Variants in PRRC2C observed in about 807,000 individuals in gnomAD.
The protein encoded by PRRC2C is proline rich coiled-coil 2C.
PRRC2C carries 72 observed loss-of-function variants against 317.2 expected under a neutral mutation model. The ratio of observed to expected loss-of-function variants is 0.23; its 90% CI spans 0.19 to 0.28. The LOEUF is 0.28. PRRC2C is among the 10% of genes least tolerant of loss of function. The probability of loss-of-function intolerance (pLI) is 1.00; values close to 1 mark genes in which losing one functional copy is unlikely to be tolerated. For missense variants in PRRC2C, 3,074 were observed against 3,459.7 expected (o/e 0.89, Z 2.80); for synonymous variants, 1,296 against 1,205.9 (o/e 1.07, Z -1.55).
At chr1:171,560,925 C>A in intron 19 of PRRC2C, 93 bp from the exon 20 acceptor site, 1 of 976,850 alleles carries the variant, frequency 1.0e-6, no homozygotes, top group Non-Finnish European at 1.7e-6. Flanking sequence ...CTAGTAATAG[C>A]TACACAGTAG....
chr1:171,548,358 T>A (rs890970012), intron 17 of PRRC2C, among the ~76,000 whole-genome samples: 1 of 152,210 alleles, frequency 6.6e-6, no homozygotes, highest in African/African-American at 2.4e-5. Flanking sequence ...AGAAGAAATG[T>A]TTGTAGATAG....
chr1:171,528,579 C>T (rs374026770), intron 11 of PRRC2C, among the ~76,000 whole-genome samples: 3 of 152,326 alleles, frequency 2.0e-5, no homozygotes. Flanking sequence ...GCGTGAGCCA[C>T]CGCGCCCGGC....
At chr1:171,493,215 C>A (rs1667505273) in intron 1 of PRRC2C, among the ~76,000 whole-genome samples, 1 of 152,114 alleles carries the variant, frequency 6.6e-6, no homozygotes, top group African/African-American at 2.4e-5. Context: ...AATATTCTGA[C>A]TTTTAAAGGC....
chr1:171,564,636 C>T (rs973856031), intron 20 of PRRC2C, among the ~76,000 whole-genome samples: 4 of 152,190 alleles, frequency 2.6e-5, no homozygotes, highest in Non-Finnish European at 5.9e-5. Flanking sequence ...AGTCTACTTA[C>T]ACAAACCTAG....
intron 1 of PRRC2C, among the ~76,000 whole-genome samples, chr1:171,505,596 T>C (rs1386111100): frequency 3.3e-5 from 5 of 152,190 alleles, no homozygotes; most frequent in African/African-American, 7.2e-5. Flanking sequence ...ACTTTTAGTA[T>C]AGTGTTGAAC....
In PRRC2C at chr1:171,579,205, T is replaced by C. The variant is rs1206552010; in HGVS notation, c.7160-149T>C. ...AGTTTTCCATCTTTTCACATTTGCA[T>C]CTTGTCACGTTTTTAGTTTTTCCAT... On this transcript the variant is annotated intron_variant, in intron 26 of 34. Coordinates refer to ENST00000647382, the MANE Select transcript of PRRC2C (RefSeq NM_001387844.1). 3.6e-6 allele frequency: 4 copies of C among 1,107,884 alleles called. No homozygotes were observed. In the East Asian group the frequency reaches 1.1e-4, roughly 29 times the overall value. 68.6% of individuals were successfully genotyped at this position (1,107,884 alleles called of 1,614,324 possible). A position where few individuals can be genotyped will look rare whatever the true frequency, so the allele number is the denominator to read the frequency against.
intron 28 of PRRC2C, among the ~76,000 whole-genome samples, chr1:171,581,925 C>T (rs970956667): frequency 1.7e-4 from 9 of 53,274 alleles, no homozygotes; most frequent in African/African-American, 5.4e-4. Flanking sequence ...AGGCATCCAT[C>T]TCAGATGATA....
chr1:171,541,338 G>C lies in PRRC2C; in HGVS notation c.3872G>C (p.Arg1291Thr), dbSNP rs781510023. The C allele has an allele frequency of 1.2e-6, 2 of 1,612,726 alleles. No individual in the cohort carries two copies. The highest frequency in any genetic ancestry group is 1.1e-5 in the South Asian group (1 of 90,846). ...DSLSKGKLPK[R>T]EERPENKKPV... Reference sequence around the variant, plus strand: ...TTAAGTAAAGGCAAACTTCCCAAAAGAGAGGAACGGCCTGAAAACAAAAAA... The same window carrying C: ...TTAAGTAAAGGCAAACTTCCCAAAACAGAGGAACGGCCTGAAAACAAAAAA... The change falls in exon 16 of 35, where the codon AGA (arginine) becomes ACA (threonine). Residue 1291 changes from arginine to threonine, a missense_variant. Coordinates refer to ENST00000647382, the MANE Select transcript of PRRC2C (RefSeq NM_001387844.1). This position sits in a 1 kb window ranked among gnomAD's most constrained non-coding sequence, Gnocchi z 4.1.
intron 1 of PRRC2C, among the ~76,000 whole-genome samples, chr1:171,492,579 A>C (rs1667350399): frequency 6.6e-6 from 1 of 152,016 alleles, no homozygotes; most frequent in South Asian, 2.1e-4. Flanking sequence ...GGGGACTAAC[A>C]GGTTGCCTGA....
intron 1 of PRRC2C, among the ~76,000 whole-genome samples, chr1:171,495,424 G>T (rs1263384247): frequency 2.6e-5 from 4 of 152,184 alleles, no homozygotes; most frequent in Admixed American, 6.5e-5. Flanking sequence ...CATATGCCAT[G>T]TTTACTTTCC....
rs2102248362 is a variant in PRRC2C, at chr1:171,512,181, A to G, written c.93A>G (p.Leu31=). 2 of 1,568,064 alleles carry G rather than the reference A, an allele frequency of 1.3e-6. No individual in the cohort carries two copies. The highest frequency in any genetic ancestry group is 8.7e-7 in the Non-Finnish European group (1 of 1,153,532). Residue 31 remains leucine (L), a synonymous_variant, in exon 2 of 35, where the codon TTA becomes TTG. Coordinates refer to ENST00000647382, the MANE Select transcript of PRRC2C (RefSeq NM_001387844.1). ...SLFNTYKGKS[L]ETQKTTVAAR... ...TTAATACTTACAAGGGGAAATCATT[A>G]GAAACACAGAAAACCACAGGTGAGT...
intron 24 of PRRC2C, among the ~76,000 whole-genome samples, chr1:171,574,400 T>C (rs1461153554): frequency 6.6e-6 from 1 of 152,150 alleles, no homozygotes; most frequent in East Asian, 1.9e-4. Flanking sequence ...TTTAAGAAAC[T>C]AGGAGAAGAA....
At chr1:171,535,745 G>A in intron 13 of PRRC2C, 148 bp downstream of exon 13, 1 of 1,060,710 alleles carries the variant, frequency 9.4e-7, no homozygotes, top group East Asian at 2.4e-5. Flanking sequence ...GTTAACGTGG[G>A]TTTTACCTTG....
At chr1:171,521,851 T>G (rs1206365656) in intron 6 of PRRC2C, among the ~76,000 whole-genome samples, 2 of 152,214 alleles carry the variant, frequency 1.3e-5, no homozygotes, top group Non-Finnish European at 2.9e-5. Context: ...TAATGTAATT[T>G]TACATTACAT....
At chr1:171,575,763 A>G (rs368865979) in intron 25 of PRRC2C, among the ~76,000 whole-genome samples, 2 of 152,342 alleles carry the variant, frequency 1.3e-5, no homozygotes, top group Middle Eastern at 3.4e-3. Context: ...GCTTGACTCT[A>G]GAAAAGTACA....
chr1:171,526,805 C>CTTGTTTTTTTTTTTT (rs1674653884), intron 10 of PRRC2C, among the ~76,000 whole-genome samples: 1 of 90,208 alleles, frequency 1.1e-5, no homozygotes, highest in Non-Finnish European at 2.1e-5. Flanking sequence ...AGAAATATAT[C>CTTGTTTTTTTTTTTT]TTTTTTTTTT....
Position 171,523,317 on chromosome 1 carries a change from T to TGATAACCTA in PRRC2C, c.934_942dup (p.Asn312_Asp314dup). 6.2e-7 allele frequency: 1 copy of TGATAACCTA among 1,613,992 alleles called. No homozygotes were observed. The highest frequency in any genetic ancestry group is 8.5e-7 in the Non-Finnish European group (1 of 1,179,882). On this transcript the variant is annotated inframe_insertion, in exon 8 of 35. Coordinates refer to ENST00000647382, the MANE Select transcript of PRRC2C (RefSeq NM_001387844.1). The stretch of plus-strand genomic sequence containing the variant: ...CAGAACTGAAGGAGCTTGATAAATT[T>TGATAACCTA]GATAACCTAGATGCTGAAGCTGATG...
chr1:171,544,153 C>T (rs1332783111), intron 16 of PRRC2C, among the ~76,000 whole-genome samples: 1 of 152,042 alleles, frequency 6.6e-6, no homozygotes, highest in Non-Finnish European at 1.5e-5. Context: ...GACGGAGTCT[C>T]ACTCTGTCAC....
intron 12 of PRRC2C, among the ~76,000 whole-genome samples, chr1:171,535,119 CAAAT>C (rs1478136761): frequency 1.4e-5 from 2 of 147,054 alleles, no homozygotes; most frequent in African/African-American, 2.5e-5. Context: ...TTTATTGAAA[CAAAT>C]AAAAAATATG....
Sources: gnomAD v4.1 joint callset for allele counts (sites outside exome capture counted in the v4.1 genomes callset) on GRCh38, gnomAD v4.1.1 for gene constraint, Gnocchi (gnomAD v3.1) non-coding constraint, MANE v1.5 for transcripts, NCBI Gene and HGNC (gene_info 2026-07-23, HGNC 2026-07-21) for gene names.